Variants in CDH13 observed in about 807,000 individuals in gnomAD.
CDH13 encodes the protein cadherin 13, also known as cadherin-13.
Under a neutral mutation model 63.8 loss-of-function variants are expected in CDH13, and 24 were observed. That is an observed-to-expected ratio of 0.38 (90% CI 0.27 to 0.53). The LOEUF (loss-of-function observed/expected upper bound fraction) is 0.53, where lower values mean the gene tolerates loss of function less well. Ranked by LOEUF, CDH13 falls within the 20% of genes least tolerant of loss-of-function variation. The pLI is 0.85. For missense variants in CDH13, 1,049 were observed against 903.1 expected (o/e 1.16, Z -2.07); for synonymous variants, 503 against 355.3 (o/e 1.42, Z -4.67).
At chr16:83,249,450 T>C (rs1905274716) in intron 5 of CDH13, among the ~76,000 whole-genome samples, 1 of 152,214 alleles carries the variant, frequency 6.6e-6, no homozygotes, top group Non-Finnish European at 1.5e-5. Context: ...CATTATGTCC[T>C]GTGCAGTTAT....
chr16:83,482,221 C>G (rs74032577), intron 6 of CDH13, among the ~76,000 whole-genome samples: 6,353 of 152,276 alleles, frequency 0.042, 463 homozygotes, highest in African/African-American at 0.14. Context: ...GCCAATTCAA[C>G]CCAAAGAACA....
intron 6 of CDH13, among the ~76,000 whole-genome samples, chr16:83,346,293 CT>C (rs1162927640): frequency 6.6e-6 from 1 of 152,172 alleles, no homozygotes; most frequent in African/African-American, 2.4e-5. Context: ...CACGTGGCCC[CT>C]CTCTGTGAGC....
At chr16:83,017,073 A>G (rs1429402131) in intron 2 of CDH13, among the ~76,000 whole-genome samples, 1 of 152,284 alleles carries the variant, frequency 6.6e-6, no homozygotes, top group Admixed American at 6.5e-5. Flanking sequence ...CAAATTTCAA[A>G]CTTATGTTTC....
intron 6 of CDH13, among the ~76,000 whole-genome samples, chr16:83,426,975 A>G (rs532424278): frequency 3.6e-4 from 43 of 120,924 alleles, no homozygotes; most frequent in Non-Finnish European, 5.1e-4. Context: ...CGCCCAGGCT[A>G]GAGTGCAGTG....
intron 2 of CDH13, among the ~76,000 whole-genome samples, chr16:82,860,666 A>C (rs927709659): frequency 6.6e-6 from 1 of 151,984 alleles, no homozygotes; most frequent in Non-Finnish European, 1.5e-5. Context: ...TCCAAAGCAG[A>C]TCTGGTTAGG....
intron 7 of CDH13, among the ~76,000 whole-genome samples, chr16:83,492,795 C>T (rs6563915): frequency 0.5 from 75,655 of 151,888 alleles, 19,593 homozygotes; most frequent in East Asian, 0.83. Flanking sequence ...CTTGTGGCCT[C>T]ATTTGCTCCT....
intron 2 of CDH13, among the ~76,000 whole-genome samples, chr16:82,959,612 T>C (rs1906650807): frequency 6.6e-6 from 1 of 152,182 alleles, no homozygotes; most frequent in Non-Finnish European, 1.5e-5. Context: ...TCTCTAATTT[T>C]CAGGACCCTT....
chr16:82,829,877 A>T (rs1189504998), intron 1 of CDH13, among the ~76,000 whole-genome samples: 1 of 152,182 alleles, frequency 6.6e-6, no homozygotes, highest in Admixed American at 6.5e-5. Context: ...CATCATTTCC[A>T]TTTGTCAAAA....
intron 8 of CDH13, among the ~76,000 whole-genome samples, chr16:83,624,406 C>T (rs552834447): frequency 5.8e-4 from 88 of 150,770 alleles, no homozygotes; most frequent in African/African-American, 2.0e-3. Flanking sequence ...TCGTAGAACA[C>T]AATTTTTTCA....
chr16:83,054,096 A>G (rs2030673884), intron 3 of CDH13, among the ~76,000 whole-genome samples: 1 of 152,216 alleles, frequency 6.6e-6, no homozygotes, highest in Admixed American at 6.5e-5. Flanking sequence ...CCTAGGAACA[A>G]TAGGCTATAC....
chr16:82,666,326 GC>G (rs1555531008), intron 1 of CDH13, among the ~76,000 whole-genome samples: 2 of 152,194 alleles, frequency 1.3e-5, no homozygotes, highest in Non-Finnish European at 2.9e-5. Flanking sequence ...TAACAGCACT[GC>G]TTTGGTAAGG....
At chr16:83,002,306 T>A (rs1913022523) in intron 2 of CDH13, among the ~76,000 whole-genome samples, 1 of 152,172 alleles carries the variant, frequency 6.6e-6, no homozygotes, top group African/African-American at 2.4e-5. Context: ...GAAGGCCATA[T>A]GAATACGGAG....
chr16:83,720,747 G>A (rs1017519042), intron 10 of CDH13, among the ~76,000 whole-genome samples: 1 of 152,198 alleles, frequency 6.6e-6, no homozygotes, highest in African/African-American at 2.4e-5. Context: ...CGACTCATGA[G>A]AGCCAGAAAT....
chr16:82,733,914 C>A (rs1263461764), intron 1 of CDH13, among the ~76,000 whole-genome samples: 1 of 152,198 alleles, frequency 6.6e-6, no homozygotes, highest in Non-Finnish European at 1.5e-5. Flanking sequence ...CTTAGGAACA[C>A]AAAGCAAGCA....
intron 2 of CDH13, among the ~76,000 whole-genome samples, chr16:82,896,468 AT>A (rs79106564): frequency 1.1e-4 from 16 of 145,026 alleles, no homozygotes; most frequent in South Asian, 2.2e-4. Flanking sequence ...TAATTTTTGT[AT>A]TTTTTTTTTA....
At chr16:82,994,527 G>A (rs899324251) in intron 2 of CDH13, among the ~76,000 whole-genome samples, 1 of 152,118 alleles carries the variant, frequency 6.6e-6, no homozygotes, top group East Asian at 1.9e-4. Flanking sequence ...TCAGCTAATG[G>A]CCCCTTTGGT....
At chr16:83,520,710 C>T (rs1362927528) in intron 7 of CDH13, among the ~76,000 whole-genome samples, 1 of 152,098 alleles carries the variant, frequency 6.6e-6, no homozygotes, top group Non-Finnish European at 1.5e-5. Context: ...CTTAATGGAA[C>T]ACTTGCAGGA....
In CDH13 at chr16:83,345,013, C is replaced by CA; in HGVS notation, c.781+8dup. 6.2e-7 allele frequency: 1 copy of CA among 1,613,444 alleles called. No homozygotes were observed. The highest frequency in any genetic ancestry group is 8.5e-7 in the Non-Finnish European group (1 of 1,179,526). ...ATGGAAGGGTCACCCACAGGTATGT[C>CA]ACATTGGCTTACCTTTAGCGTAATG... On this transcript the variant is annotated splice_region_variant and intron_variant, in intron 6 of 13. Coordinates refer to ENST00000567109, the MANE Select transcript of CDH13 (RefSeq NM_001257.5).
intron 1 of CDH13, among the ~76,000 whole-genome samples, chr16:82,685,374 G>A (rs1419023413): frequency 6.6e-6 from 1 of 152,122 alleles, no homozygotes; most frequent in African/African-American, 2.4e-5. Flanking sequence ...TCTTTTATAA[G>A]GGTACTAATC....
Sources: allele counts gnomAD v4.1 joint callset (sites outside exome capture counted in the v4.1 genomes callset), GRCh38; gene constraint gnomAD v4.1.1; transcripts MANE v1.5; gene names NCBI Gene and HGNC (gene_info 2026-07-23, HGNC 2026-07-21).